SYT16: variants seen among roughly 807,000 people sequenced by gnomAD.
SYT16 encodes synaptotagmin 16.
Under a neutral mutation model 61.4 loss-of-function variants are expected in SYT16, and 42 were observed. The observed-to-expected ratio is 0.68, with a 90% CI of 0.53 to 0.89. The LOEUF is 0.89. Among genes scored for constraint, SYT16 ranks in the 40% least tolerant of loss-of-function variants. The pLI, the probability that SYT16 is intolerant of heterozygous loss-of-function variation, is 0.00. For synonymous variants in SYT16, 314 were observed against 302.3 expected, an observed-to-expected ratio of 1.04 and a Z score of -0.40; for missense variants, 804 against 807.3, an observed-to-expected ratio of 1.00 and a Z score of 0.05.
intron 1 of SYT16, among the ~76,000 whole-genome samples, chr14:61,830,806 T>C (rs1327256519): frequency 6.6e-6 from 1 of 152,080 alleles, no homozygotes; most frequent in Non-Finnish European, 1.5e-5. Flanking sequence ...GATCTTGTCT[T>C]GGTTTAGGGC....
At chr14:62,056,876 C>T (rs1470512598) in intron 3 of SYT16, among the ~76,000 whole-genome samples, 7 of 152,328 alleles carry the variant, frequency 4.6e-5, no homozygotes, top group African/African-American at 1.4e-4. Flanking sequence ...GAGGACAACA[C>T]GCTCTGGACG....
chr14:62,101,759 G>A lies in SYT16; in HGVS notation c.*1052G>A, dbSNP rs1259156511. ...GTGAATGGAGAAATATTTTCAGCTT[G>A]TGTGGAATGACATTAAGTTTTTCTT... On this transcript the variant is annotated 3_prime_UTR_variant, in exon 8 of 8. Transcript: ENST00000683842. The A allele has an allele frequency of 6.6e-6, 1 of 152,166 alleles. No homozygotes were observed. The highest frequency in any genetic ancestry group is 1.5e-5 in the Non-Finnish European group (1 of 68,008). The allele number at this position is 152,166 out of a possible 1,614,324, so 9.4% of individuals were successfully genotyped here.
chr14:62,095,427 A>G (rs2057237597), intron 7 of SYT16, among the ~76,000 whole-genome samples: 1 of 152,148 alleles, frequency 6.6e-6, no homozygotes, highest in South Asian at 2.1e-4. Context: ...TTTCTTATAT[A>G]AAATCAGTTG....
intron 1 of SYT16, among the ~76,000 whole-genome samples, chr14:61,822,089 G>C (rs369106480): frequency 3.7e-4 from 56 of 152,226 alleles, no homozygotes; most frequent in African/African-American, 1.3e-3. Flanking sequence ...CTGTCAGAGA[G>C]CCTGGTAGCA....
chr14:61,873,915 G>A (rs2047407526), intron 1 of SYT16, among the ~76,000 whole-genome samples: 1 of 152,188 alleles, frequency 6.6e-6, no homozygotes, highest in Admixed American at 6.5e-5. Flanking sequence ...ATTGTGAAAT[G>A]TTGGATATGT....
At chr14:62,028,512 A>G (rs2054185977) in intron 3 of SYT16, among the ~76,000 whole-genome samples, 2 of 152,204 alleles carry the variant, frequency 1.3e-5, no homozygotes, top group African/African-American at 4.8e-5. Flanking sequence ...CCACAATGTT[A>G]TGGTCTCTCT....
chr14:61,865,869 TG>T (rs1173407699), intron 1 of SYT16, among the ~76,000 whole-genome samples: 3 of 152,162 alleles, frequency 2.0e-5, no homozygotes, highest in Non-Finnish European at 4.4e-5. Flanking sequence ...CCAGTCAAAA[TG>T]CTTTCTAAAT....
intron 1 of SYT16, among the ~76,000 whole-genome samples, chr14:61,918,723 C>T (rs1354180366): frequency 6.6e-6 from 1 of 151,794 alleles, no homozygotes; most frequent in East Asian, 1.9e-4. Flanking sequence ...AAAGTTATCT[C>T]TGGGGGGTGG....
At chr14:61,985,121 T>C (rs2052247636) in intron 2 of SYT16, among the ~76,000 whole-genome samples, 1 of 152,166 alleles carries the variant, frequency 6.6e-6, no homozygotes, top group Non-Finnish European at 1.5e-5. Flanking sequence ...ATTACTATTC[T>C]AACAGCCCAG....
intron 1 of SYT16, among the ~76,000 whole-genome samples, chr14:61,844,475 A>G (rs1321693922): frequency 6.6e-6 from 1 of 152,168 alleles, no homozygotes; most frequent in African/African-American, 2.4e-5. Flanking sequence ...ATCTTACAGG[A>G]AAGGCTTTAA....
At chr14:61,887,433 G>A (rs2047953503) in intron 1 of SYT16, among the ~76,000 whole-genome samples, 1 of 152,222 alleles carries the variant, frequency 6.6e-6, no homozygotes, top group Non-Finnish European at 1.5e-5. Context: ...AACCAAGAGA[G>A]TCAGCATGTC....
chr14:62,037,886 C>A (rs1479838744), intron 3 of SYT16, among the ~76,000 whole-genome samples: 1 of 152,102 alleles, frequency 6.6e-6, no homozygotes, highest in African/African-American at 2.4e-5. Context: ...GAAGAGGGAG[C>A]TGGTGGTATT....
At chr14:61,862,903 T>C (rs1295488104) in intron 1 of SYT16, among the ~76,000 whole-genome samples, 1 of 152,250 alleles carries the variant, frequency 6.6e-6, no homozygotes, top group Non-Finnish European at 1.5e-5. Flanking sequence ...TTCTTTCACT[T>C]TGTAATATGC....
chr14:62,086,306 C>T (rs2056884265), intron 7 of SYT16, among the ~76,000 whole-genome samples: 1 of 151,998 alleles, frequency 6.6e-6, no homozygotes, highest in Non-Finnish European at 1.5e-5. Flanking sequence ...TGGAGAAACC[C>T]CAGCTCTACA....
At chr14:62,022,720 C>A (rs1257542623) in intron 3 of SYT16, among the ~76,000 whole-genome samples, 1 of 151,866 alleles carries the variant, frequency 6.6e-6, no homozygotes, top group Non-Finnish European at 1.5e-5. Flanking sequence ...TAGGCATTTT[C>A]AGTTTGCTTA....
intron 1 of SYT16, among the ~76,000 whole-genome samples, chr14:61,837,761 T>C (rs2046177884): frequency 6.6e-6 from 1 of 152,226 alleles, no homozygotes; most frequent in Non-Finnish European, 1.5e-5. Flanking sequence ...GATGCTATGC[T>C]TCTGGCGTGC....
intron 7 of SYT16, among the ~76,000 whole-genome samples, chr14:62,087,090 T>C (rs924215270): frequency 2.6e-5 from 4 of 152,322 alleles, no homozygotes; most frequent in East Asian, 1.9e-4. Context: ...TCTCGCTTCA[T>C]TATGGCACTC....
At chr14:62,030,454 A>C (rs1213299350) in intron 3 of SYT16, among the ~76,000 whole-genome samples, 4 of 152,206 alleles carry the variant, frequency 2.6e-5, no homozygotes, top group African/African-American at 9.6e-5. Flanking sequence ...TTGTACGGAG[A>C]CAAGTGTGGC....
chr14:61,944,763 A>G (rs144298852), intron 1 of SYT16, among the ~76,000 whole-genome samples: 1 of 152,306 alleles, frequency 6.6e-6, no homozygotes, highest in African/African-American at 2.4e-5. Context: ...ACTTAAATGT[A>G]AGACCTAAAA....
Sources: gnomAD v4.1 joint callset for allele counts (sites outside exome capture counted in the v4.1 genomes callset) on GRCh38, gnomAD v4.1.1 for gene constraint, MANE v1.5 for transcripts, NCBI Gene and HGNC (gene_info 2026-07-23, HGNC 2026-07-21) for gene names.